Variants in TMPO observed in about 807,000 individuals in gnomAD.
TMPO encodes thymopoietin.
A neutral mutation model predicts 45.4 loss-of-function variants in TMPO; 22 were observed. The observed-to-expected ratio is 0.48, with a 90% CI of 0.35 to 0.69. The LOEUF (loss-of-function observed/expected upper bound fraction) is 0.69. Among genes scored for constraint, TMPO ranks in the 30% least tolerant of loss-of-function variants. TMPO has a pLI of 0.01. For missense variants in TMPO, 512 were observed against 548.8 expected, an observed-to-expected ratio of 0.93 and a Z score of 0.67; for synonymous variants, 241 against 204.1, an observed-to-expected ratio of 1.18 and a Z score of -1.54.
chr12:98,530,148 G>C (rs941090150), intron 2 of TMPO, among the ~76,000 whole-genome samples: 1 of 151,892 alleles, frequency 6.6e-6, no homozygotes, highest in African/African-American at 2.4e-5. Context: ...GAGCAGCCTG[G>C]ACAACATAGT....
rs757315680 is a variant in TMPO at position 98,544,273 on chromosome 12, G to T, written c.707G>T (p.Gly236Val). Residue 236 changes from glycine to valine, a missense_variant, in exon 5 of 9, where the codon GGA becomes GTA. This residue lies in a region of TMPO where 299 missense variants were observed against 296.7 expected (regional missense o/e 1.01). Transcript: ENST00000556029. ...ATAACTGAGACTGAATGGACAAGTG[G>T]ATCTTCAAAAGGCGGACCTCTGCAG... ...AGITETEWTSGSSKGGPLQAL... is the reference protein window; with the variant it reads ...AGITETEWTSVSSKGGPLQAL... The T allele has an allele frequency of 6.2e-7, 1 of 1,613,902 alleles. No individual in the cohort carries two copies.
At chr12:98,542,201 A>G (rs1262644673) in intron 4 of TMPO, among the ~76,000 whole-genome samples, 3 of 152,194 alleles carry the variant, frequency 2.0e-5, no homozygotes, top group African/African-American at 7.2e-5. Context: ...TTCTCTGCAT[A>G]TGAGTTGAAG....
In TMPO at chr12:98,549,113, C is replaced by G. The variant is rs1878387258; in HGVS notation, c.*1255C>G. 6.6e-6 allele frequency: 1 copy of G among 151,808 alleles called. No individual in the cohort carries two copies. Among genetic ancestry groups the G allele is most frequent in the Admixed American group, 6.6e-5 (1 of 15,242 alleles). The allele number at this position is 151,808 out of a possible 1,614,324, so 9.4% of individuals were successfully genotyped here. A position where few individuals can be genotyped will look rare whatever the true frequency, so the allele number is the denominator to read the frequency against. On this transcript the variant is annotated 3_prime_UTR_variant, in exon 9 of 9. Transcript: ENST00000556029. The stretch of plus-strand genomic sequence containing the variant: ...TGTAGCCTGGCGACAGAGCAAGACT[C>G]CATCTCAAAAAAAATAAAAAAGTAC...
Position 98,546,392 on chromosome 12 carries a change from A to T in TMPO, c.1024A>T (p.Arg342Trp), listed in dbSNP as rs147928797. ...GEKTEERRVE[R>W]DILKEMFPYE... ...AAAAACAGAGGAAAGAAGAGTAGAAAGGGATATTCTTAAGGAAATGTTCCC... is the reference window on the plus strand; with the variant it reads ...AAAAACAGAGGAAAGAAGAGTAGAATGGGATATTCTTAAGGAAATGTTCCC... The change falls in exon 8 of 9, where the codon AGG becomes TGG. Residue 342 changes from arginine to tryptophan, a missense_variant. Around this residue, in one of 3 missense-constraint regions of TMPO, gnomAD observed 209 missense variants for 235.1 expected, o/e 0.89. Transcript: ENST00000556029. The T allele has an allele frequency of 3.2e-5, 52 of 1,613,044 alleles. No individual in the cohort carries two copies. In the African/African-American group the frequency reaches 6.8e-4, roughly 21 times the overall value.
At position 98,531,771 on chromosome 12, in the gene TMPO, T is replaced by C. The variant is rs1877211921; in HGVS notation, c.498T>C (p.Ser166=). Reference sequence around the variant, plus strand: ...CTTCTACTCCTCTGCCAACAATTTCTTCTTCAGCAGAAAATACAAGGCAGA... The same window carrying C: ...CTTCTACTCCTCTGCCAACAATTTCCTCTTCAGCAGAAAATACAAGGCAGA... ...SRSSTPLPTI[S]SSAENTRQNG... is the part of the protein sequence containing the mutation. The change falls in exon 3 of 9, where the codon TCT becomes TCC. Residue 166 remains serine, a synonymous_variant. Coordinates refer to ENST00000556029, the MANE Select transcript of TMPO (RefSeq NM_001032283.3). 6.2e-7 allele frequency: 1 copy of C among 1,613,950 alleles called. No individual in the cohort carries two copies. Among genetic ancestry groups the C allele is most frequent in the South Asian group, 1.1e-5 (1 of 91,080 alleles).
chr12:98,534,291 A>G lies in TMPO; in HGVS notation c.565+2453A>G, dbSNP rs1295993913. The G allele has an allele frequency of 3.7e-6, 6 of 1,613,306 alleles. No homozygotes were observed. Among genetic ancestry groups the G allele is most frequent in the East Asian group, 4.5e-5 (2 of 44,904 alleles). On this transcript the variant is annotated intron_variant, in intron 3 of 8. Coordinates refer to ENST00000556029, the MANE Select transcript of TMPO (RefSeq NM_001032283.3). ...CCACTCCCTTTAAAGGTGGAACATT[A>G]TTTGGAGGAGAAGTATGCAAAGTAA...
chr12:98,516,416 G>A, intron 1 of TMPO: 1 of 1,178,792 alleles, frequency 8.5e-7, no homozygotes, highest in Non-Finnish European at 1.0e-6. Context: ...GCACGCAGTC[G>A]ACGCCGCTTC....
rs1403833849 is a variant in TMPO, at chr12:98,516,108, G to A, written c.241G>A (p.Ala81Thr). ...GCCCACCCCGGTCCTCGGCTCTGGGGCCGCCGCCGCGGGCCGGAGCCGAGC... is the reference window on the plus strand; with the variant it reads ...GCCCACCCCGGTCCTCGGCTCTGGGACCGCCGCCGCGGGCCGGAGCCGAGC... The part of the protein sequence containing the change: ...REPTPVLGSG[A>T]AAAGRSRAAV... The change falls in exon 1 of 9, where the codon GCC becomes ACC. Residue 81 changes from alanine to threonine, a missense_variant. Physicochemically the swap from Ala to Thr is moderately conservative, Grantham distance 58. Transcript: ENST00000556029. 2 of 1,542,066 alleles carry A rather than the reference G, an allele frequency of 1.3e-6. No homozygotes were observed. Among genetic ancestry groups the A allele is most frequent in the South Asian group, 1.2e-5 (1 of 83,960 alleles).
At chr12:98,519,065 G>A (rs1187781171) in intron 1 of TMPO, among the ~76,000 whole-genome samples, 27 of 151,316 alleles carry the variant, frequency 1.8e-4, no homozygotes, top group Non-Finnish European at 1.5e-5. Flanking sequence ...TGTATTTTTA[G>A]TAGAGATGGG....
At chr12:98,541,606 A>G (rs1877918618) in intron 4 of TMPO, among the ~76,000 whole-genome samples, 1 of 152,238 alleles carries the variant, frequency 6.6e-6, no homozygotes, top group Non-Finnish European at 1.5e-5. Context: ...GCTTAAAGTC[A>G]CTTGAAAGAA....
chr12:98,515,929 T>G lies in TMPO; in HGVS notation c.62T>G (p.Val21Gly), dbSNP rs1875748245. 6.2e-7 allele frequency: 1 copy of G among 1,613,644 alleles called. No homozygotes were observed. The highest frequency in any genetic ancestry group is 1.3e-5 in the African/African-American group (1 of 75,026). The change falls in exon 1 of 9, where the codon GTC becomes GGC. Residue 21 changes from valine (V) to glycine (G), a missense_variant. Coordinates refer to ENST00000556029, the MANE Select transcript of TMPO (RefSeq NM_001032283.3). ...LTKDKLKSEL[V>G]ANNVTLPAGE... ...AAAGACAAGTTGAAGAGTGAGTTGG[T>G]CGCCAACAATGTGACGCTGCCGGCC...
At chr12:98,528,077 C>G in intron 2 of TMPO, 65 bp downstream of exon 2, 1 of 1,598,866 alleles carries the variant, frequency 6.3e-7, no homozygotes, top group Non-Finnish European at 8.6e-7. Flanking sequence ...TTATTTTCTC[C>G]TTTTTGTTTA....
chr12:98,534,000 G>A, intron 3 of TMPO: 1 of 1,608,372 alleles, frequency 6.2e-7, no homozygotes, highest in Non-Finnish European at 8.5e-7. Flanking sequence ...CAGCATTGCA[G>A]ATTGCAACTC....
At chr12:98,530,425 C>T (rs143709445) in intron 2 of TMPO, among the ~76,000 whole-genome samples, 1 of 152,022 alleles carries the variant, frequency 6.6e-6, no homozygotes, top group African/African-American at 2.4e-5. Flanking sequence ...TGATGTATGA[C>T]CTGTTCATCT....
chr12:98,526,133 A>G (rs1409997640), intron 1 of TMPO, among the ~76,000 whole-genome samples: 2 of 152,220 alleles, frequency 1.3e-5, no homozygotes, highest in Non-Finnish European at 2.9e-5. Context: ...ATTTTCCCTC[A>G]AAGTTTGTTT....
chr12:98,530,099 A>T lies in TMPO; in HGVS notation c.407-1581A>T, dbSNP rs775431944. 2.6e-4 allele frequency among the ~76,000 whole-genome samples: 39 copies of T among 152,242 alleles called. 1 individual carries two copies. The highest frequency in any genetic ancestry group is 3.3e-4 in the Admixed American group (5 of 15,284). On this transcript the variant is annotated intron_variant, in intron 2 of 8. Transcript: ENST00000556029. ...ATGCCTGTAATCCCAACACTTTGGGAGGCCAAGGTGGTGGAATTGCTTGAG... is the reference window on the plus strand; with the variant it reads ...ATGCCTGTAATCCCAACACTTTGGGTGGCCAAGGTGGTGGAATTGCTTGAG...
At chr12:98,517,182 A>T (rs1875921343) in intron 1 of TMPO, among the ~76,000 whole-genome samples, 1 of 152,204 alleles carries the variant, frequency 6.6e-6, no homozygotes, top group Non-Finnish European at 1.5e-5. Flanking sequence ...TTGCTTGAGG[A>T]AACGAAAGAC....
At chr12:98,545,588 C>G (rs1420197382) in intron 7 of TMPO, among the ~76,000 whole-genome samples, 9 of 152,110 alleles carry the variant, frequency 5.9e-5, no homozygotes, top group African/African-American at 1.9e-4. Flanking sequence ...AACAGTAAAA[C>G]AAGCTAAACA....
At chr12:98,528,971 TAAATA>T (rs1876987181) in intron 2 of TMPO, among the ~76,000 whole-genome samples, 2 of 150,996 alleles carry the variant, frequency 1.3e-5, no homozygotes, top group South Asian at 4.2e-4. Flanking sequence ...TCAAAAAAAA[TAAATA>T]AATAAGGGAA....
Sources: allele counts gnomAD v4.1 joint callset (sites outside exome capture counted in the v4.1 genomes callset), GRCh38; gene constraint gnomAD v4.1.1; regional missense constraint gnomAD v4.1.1; transcripts MANE v1.5; gene names NCBI Gene and HGNC (gene_info 2026-07-23, HGNC 2026-07-21).